EML6: variants seen among roughly 807,000 people sequenced by gnomAD.
EML6 encodes the protein EMAP like 6.
A neutral mutation model predicts 240.1 loss-of-function variants in EML6; 154 were observed. That is an observed-to-expected ratio of 0.64 (90% CI 0.56 to 0.73). The LOEUF (loss-of-function observed/expected upper bound fraction) is 0.73. Ranked by LOEUF, EML6 falls within the 30% of genes least tolerant of loss-of-function variation. The probability of loss-of-function intolerance (pLI) is 0.00; values close to 1 mark genes in which losing one functional copy is unlikely to be tolerated. For missense variants in EML6, 2,964 were observed against 2,474.6 expected (o/e 1.20, Z -4.20); for synonymous variants, 1,148 against 899.0 (o/e 1.28, Z -4.95).
At chr2:54,962,402 C>T (rs1676559973) in intron 35 of EML6, 121 bp from the exon 36 acceptor site, 3 of 762,470 alleles carry the variant, frequency 3.9e-6, no homozygotes, top group Non-Finnish European at 6.1e-6. Context: ...TCCACCACCC[C>T]CATTCACCGG....
At chr2:54,924,936 A>G (rs1427838565) in intron 26 of EML6, among the ~76,000 whole-genome samples, 1 of 151,808 alleles carries the variant, frequency 6.6e-6, no homozygotes, top group Admixed American at 6.6e-5. Context: ...GCCAATGAAT[A>G]TTTCCAGCTG....
intron 29 of EML6, among the ~76,000 whole-genome samples, 189 bp downstream of exon 29, chr2:54,949,149 A>G (rs572968751): frequency 1.3e-5 from 2 of 151,904 alleles, no homozygotes; most frequent in African/African-American, 4.8e-5. Flanking sequence ...CAGCCACTGT[A>G]TCGTATTCCT....
intron 15 of EML6, among the ~76,000 whole-genome samples, chr2:54,870,086 A>G (rs1671173751): frequency 6.6e-6 from 1 of 152,216 alleles, no homozygotes; most frequent in Admixed American, 6.5e-5. Flanking sequence ...TTAATTGCAG[A>G]TAATACTTCA....
chr2:54,934,666 C>T lies in EML6; in HGVS notation c.4004+5915C>T, dbSNP rs530655887. ...CTGGGCTCAAGCAATTCTCCCACTT[C>T]AGTCCCCCAAGTACCTGGGACTAGG... On this transcript the variant is annotated intron_variant, in intron 28 of 41. Transcript: ENST00000356458. Among the ~76,000 whole-genome samples, 4 of 152,194 alleles carry T rather than the reference C, an allele frequency of 2.6e-5. No homozygotes were observed. The South Asian group carries it at 8.3e-4, about 32-fold the overall frequency.
intron 10 of EML6, among the ~76,000 whole-genome samples, chr2:54,850,988 C>T (rs1670050391): frequency 6.6e-6 from 1 of 152,112 alleles, no homozygotes; most frequent in South Asian, 2.1e-4. Flanking sequence ...AAACTTTTAG[C>T]ACATGAAAAA....
chr2:54,886,160 C>CTTTTTTTTTTTTTTTTTTTT (rs869107962), intron 17 of EML6, among the ~76,000 whole-genome samples: 10 of 82,216 alleles, frequency 1.2e-4, no homozygotes, highest in Non-Finnish European at 1.7e-4. Flanking sequence ...TTTTAACCTT[C>CTTTTTTTTTTTTTTTTTTTT]TTTTTTTTTT....
chr2:54,899,881 T>A, intron 22 of EML6, 99 bp downstream of exon 22: 1 of 1,170,208 alleles, frequency 8.5e-7, no homozygotes, highest in Non-Finnish European at 1.2e-6. Flanking sequence ...GCACGTGTTA[T>A]ATGCCCATAA....
intron 2 of EML6, among the ~76,000 whole-genome samples, chr2:54,793,385 C>CTT (rs10683746): frequency 0.15 from 18,365 of 121,600 alleles, 1,881 homozygotes; most frequent in South Asian, 0.25. Flanking sequence ...TATGAGTAGG[C>CTT]TTTTTTTTTT....
intron 32 of EML6, among the ~76,000 whole-genome samples, chr2:54,957,444 T>C (rs1464262938): frequency 1.3e-5 from 2 of 150,224 alleles, no homozygotes; most frequent in East Asian, 3.9e-4. Flanking sequence ...GGACGACTCC[T>C]GTGGTGATGC....
At chr2:54,771,934 T>C (rs537449773) in intron 2 of EML6, among the ~76,000 whole-genome samples, 2 of 152,338 alleles carry the variant, frequency 1.3e-5, no homozygotes, top group East Asian at 3.9e-4. Flanking sequence ...TCCTACTCAG[T>C]GTTAACTAGG....
At chr2:54,797,062 G>C (rs1404227774) in intron 2 of EML6, among the ~76,000 whole-genome samples, 3 of 150,964 alleles carry the variant, frequency 2.0e-5, no homozygotes, top group African/African-American at 7.3e-5. Context: ...CTGCTCAGGA[G>C]GCTGAGGCAG....
chr2:54,901,441 A>C (rs1232759501), intron 22 of EML6, among the ~76,000 whole-genome samples: 2 of 152,230 alleles, frequency 1.3e-5, no homozygotes, highest in African/African-American at 2.4e-5. Context: ...TGATAGGCCA[A>C]GTCCTCACTG....
chr2:54,773,127 G>A (rs752462076), intron 2 of EML6, among the ~76,000 whole-genome samples: 10 of 152,250 alleles, frequency 6.6e-5, no homozygotes, highest in Non-Finnish European at 4.4e-5. Context: ...GCCTGTGGGC[G>A]GCTGGGTGAG....
intron 2 of EML6, among the ~76,000 whole-genome samples, chr2:54,781,186 T>G (rs183802219): frequency 6.6e-6 from 1 of 152,326 alleles, no homozygotes; most frequent in East Asian, 1.9e-4. Context: ...GGCATAGAAA[T>G]GGTCAGTATC....
chr2:54,743,826 A>T (rs1683774767), intron 2 of EML6, among the ~76,000 whole-genome samples: 1 of 152,196 alleles, frequency 6.6e-6, no homozygotes, highest in South Asian at 2.1e-4. Flanking sequence ...TTAAATTTAT[A>T]TGTGAATGCA....
At chr2:54,851,472 C>G (rs1303906607) in intron 10 of EML6, among the ~76,000 whole-genome samples, 2 of 151,924 alleles carry the variant, frequency 1.3e-5, no homozygotes, top group East Asian at 1.9e-4. Flanking sequence ...AACTCTGAAA[C>G]ATTTTCTTTA....
intron 7 of EML6, among the ~76,000 whole-genome samples, chr2:54,830,209 T>A (rs190783834): frequency 1.2e-4 from 18 of 152,292 alleles, no homozygotes; most frequent in African/African-American, 4.3e-4. Context: ...ACAAAGAATT[T>A]ACAGCCGAGA....
chr2:54,745,009 A>G (rs1210717523), intron 2 of EML6, among the ~76,000 whole-genome samples: 1 of 149,534 alleles, frequency 6.7e-6, no homozygotes, highest in African/African-American at 2.5e-5. Context: ...GAAAGAAGGC[A>G]TTGTGGGGTG....
At chr2:54,904,884 A>T (rs550829845) in intron 24 of EML6, among the ~76,000 whole-genome samples, 16 of 152,194 alleles carry the variant, frequency 1.1e-4, no homozygotes, top group Non-Finnish European at 2.4e-4. Context: ...ATAGACCAGG[A>T]CTTGGAAACC....
Sources: gnomAD v4.1 joint callset for allele counts (sites outside exome capture counted in the v4.1 genomes callset) on GRCh38, gnomAD v4.1.1 for gene constraint, MANE v1.5 for transcripts, NCBI Gene and HGNC (gene_info 2026-07-23, HGNC 2026-07-21) for gene names.